ANKRD30B: variants seen among roughly 807,000 people sequenced by gnomAD.
ANKRD30B encodes the protein ankyrin repeat domain-containing protein 30B.
Under a neutral mutation model 202.2 loss-of-function variants are expected in ANKRD30B, and 144 were observed. The ratio of observed to expected loss-of-function variants is 0.71; its 90% CI spans 0.62 to 0.82. The LOEUF (loss-of-function observed/expected upper bound fraction) is 0.82, where lower values mean the gene tolerates loss of function less well. ANKRD30B is among the 40% of genes least tolerant of loss of function. The pLI is 0.00. For synonymous variants in ANKRD30B, 508 were observed against 561.3 expected (o/e 0.91, Z 1.34); for missense variants, 1,487 against 1,669.1 (o/e 0.89, Z 1.90).
At chr18:14,925,312 G>A in the ANKRD30B span, among the ~76,000 whole-genome samples, 1 of 152,148 alleles carries the variant, frequency 6.6e-6, no homozygotes, top group Non-Finnish European at 1.5e-5. Flanking sequence ...CTGCCATCTT[G>A]CCCCTGGCTG....
chr18:14,844,589 G>T (rs1275893328), intron 39 of ANKRD30B, among the ~76,000 whole-genome samples: 2 of 152,192 alleles, frequency 1.3e-5, no homozygotes, highest in African/African-American at 4.8e-5. Flanking sequence ...AATCCTTAGG[G>T]TATATATCCA....
the ANKRD30B span, among the ~76,000 whole-genome samples, chr18:14,909,570 C>T: frequency 6.6e-6 from 1 of 151,978 alleles, no homozygotes; most frequent in Admixed American, 6.6e-5. Flanking sequence ...ACCATTCTAG[C>T]TATTTTTTTG....
At chr18:14,790,460 C>T (rs1968408719) in intron 15 of ANKRD30B, among the ~76,000 whole-genome samples, 1 of 152,178 alleles carries the variant, frequency 6.6e-6, no homozygotes, top group South Asian at 2.1e-4. Flanking sequence ...GCATCCCTGT[C>T]TTATGCCAGT....
chr18:14,867,159 C>T, the ANKRD30B span, among the ~76,000 whole-genome samples: 3 of 149,914 alleles, frequency 2.0e-5, no homozygotes, highest in Non-Finnish European at 4.4e-5. Flanking sequence ...TTTGATGGGG[C>T]ACTATTTGGT....
At position 14,850,272 on chromosome 18, in the gene ANKRD30B, A is replaced by C. The variant is rs750267697; in HGVS notation, c.3454A>C (p.Ile1152Leu). 6.3e-7 allele frequency: 1 copy of C among 1,592,932 alleles called. No homozygotes were observed. Among genetic ancestry groups the C allele is most frequent in the African/African-American group, 1.4e-5 (1 of 73,646 alleles). The change falls in exon 41 of 44, where the codon ATT (isoleucine) becomes CTT (leucine). Residue 1152 changes from isoleucine to leucine, a missense_variant. Ile to Leu is a conservative substitution (Grantham distance 5). Transcript: ENST00000690538. ...AAATGTCGATATATTAAAAGAAAAA[A>C]TTAGACCCGAAGAGCAACTTAGGAA... Reference protein sequence around the residue: ...RRNVDILKEKIRPEEQLRKKL... With the variant: ...RRNVDILKEKLRPEEQLRKKL...
chr18:14,815,490 G>C (rs555336046), intron 30 of ANKRD30B, among the ~76,000 whole-genome samples: 1 of 152,208 alleles, frequency 6.6e-6, no homozygotes, highest in South Asian at 2.1e-4. Context: ...CCTTTCATGG[G>C]AAAAATGTGG....
At position 14,799,225 on chromosome 18, in the gene ANKRD30B, T is replaced by TTA. The variant is rs1969147797; in HGVS notation, c.2061_2062insTA (p.Thr688Ter). 15 of 1,574,772 alleles carry TTA rather than the reference T, an allele frequency of 9.5e-6. No homozygotes were observed. The highest frequency in any genetic ancestry group is 7.2e-5 in the Admixed American group (4 of 55,500). ...TTTGTGTTTCCAAACCCATTTAGCC[T>TTA]ACCTGTGGAAGGAAAGTTTCTCTTC... On this transcript the variant is annotated frameshift_variant, in exon 22 of 44. Coordinates refer to ENST00000690538, the MANE Select transcript of ANKRD30B (RefSeq NM_001367607.2). LOFTEE classifies it high-confidence loss of function.
intron 24 of ANKRD30B, among the ~76,000 whole-genome samples, chr18:14,805,441 A>G (rs1467432171): frequency 6.6e-6 from 1 of 150,926 alleles, no homozygotes; most frequent in African/African-American, 2.4e-5. Context: ...ATCAAGAAAT[A>G]TTGAGATGGC....
Position 14,831,410 on chromosome 18 carries a change from T to C in ANKRD30B, c.2802T>C (p.Asn934=). The part of the protein sequence containing the change: ...FSLFGKPTTE[N]SQSTKVEEDF... ...TTTTTGGCAAACCGACTACTGAAAA[T>C]TCACAGTCTACAAAAGTTGAGGAAG... Residue 934 remains asparagine, a synonymous_variant, in exon 34 of 44, where the codon AAT becomes AAC. Transcript: ENST00000690538. The C allele has an allele frequency of 1.3e-6, 2 of 1,532,798 alleles. No homozygotes were observed. The highest frequency in any genetic ancestry group is 1.8e-6 in the Non-Finnish European group (2 of 1,137,782). 94.9% of individuals were successfully genotyped at this position (1,532,798 alleles called of 1,614,324 possible). A position where few individuals can be genotyped will look rare whatever the true frequency, so the allele number is the denominator to read the frequency against.
chr18:14,789,805 A>T (rs1968343586), intron 15 of ANKRD30B, among the ~76,000 whole-genome samples: 1 of 152,144 alleles, frequency 6.6e-6, no homozygotes, highest in Admixed American at 6.5e-5. Context: ...CTTGTAGTAT[A>T]GTTTGAAGTC....
chr18:14,787,219 T>A (rs1223165141), intron 15 of ANKRD30B, 119 bp downstream of exon 15: 1 of 868,336 alleles, frequency 1.2e-6, no homozygotes, highest in African/African-American at 1.7e-5. Flanking sequence ...TATTTTTTGA[T>A]ATTTTTCAGA....
At position 14,848,832 on chromosome 18, in the gene ANKRD30B, T is replaced by G. The variant is rs761824038; in HGVS notation, c.3298T>G (p.Phe1100Val). 6.3e-7 allele frequency: 1 copy of G among 1,589,134 alleles called. No homozygotes were observed. The highest frequency in any genetic ancestry group is 8.6e-7 in the Non-Finnish European group (1 of 1,167,516). Residue 1100 changes from phenylalanine to valine, a missense_variant, in exon 40 of 44, where the codon TTT (phenylalanine) becomes GTT (valine). Coordinates refer to ENST00000690538, the MANE Select transcript of ANKRD30B (RefSeq NM_001367607.2). ...TAKMEQTKNKFCVLQKELSEA... is the reference protein window; with the variant it reads ...TAKMEQTKNKVCVLQKELSEA... ...AAAAATGGAACAAACGAAAAATAAGTTTTGTGTACTACAAAAGGAACTGTC... is the reference window on the plus strand; with the variant it reads ...AAAAATGGAACAAACGAAAAATAAGGTTTGTGTACTACAAAAGGAACTGTC...
At chr18:14,769,265 C>A in intron 7 of ANKRD30B, 78 bp from the exon 8 acceptor site, 1 of 1,128,514 alleles carries the variant, frequency 8.9e-7, no homozygotes, top group South Asian at 1.5e-5. Flanking sequence ...TGCCATCGTG[C>A]CCTCTTACGT....
the ANKRD30B span, among the ~76,000 whole-genome samples, chr18:14,897,096 T>C: frequency 6.6e-6 from 1 of 151,880 alleles, no homozygotes; most frequent in Non-Finnish European, 1.5e-5. Flanking sequence ...GTAGAAAAGA[T>C]GGAAACATGC....
At chr18:14,819,124 A>AT (rs2144101073) in intron 30 of ANKRD30B, among the ~76,000 whole-genome samples, 1 of 150,604 alleles carries the variant, frequency 6.6e-6, no homozygotes, top group African/African-American at 2.4e-5. Flanking sequence ...GATGATGAGC[A>AT]TTTTTTCATG....
At chr18:14,891,901 A>T in the ANKRD30B span, among the ~76,000 whole-genome samples, 1 of 152,252 alleles carries the variant, frequency 6.6e-6, no homozygotes, top group African/African-American at 2.4e-5. Flanking sequence ...AATGAAAAAT[A>T]CTGAATAAAT....
chr18:14,836,934 T>G (rs1971201256), intron 34 of ANKRD30B, among the ~76,000 whole-genome samples: 1 of 152,158 alleles, frequency 6.6e-6, no homozygotes, highest in Non-Finnish European at 1.5e-5. Context: ...CCTTATGTAT[T>G]TTATTGACTT....
At position 14,754,916 on chromosome 18, in the gene ANKRD30B, T is replaced by C; in HGVS notation, c.528T>C (p.Leu176=). 6.5e-7 allele frequency: 1 copy of C among 1,543,584 alleles called. No individual in the cohort carries two copies. The highest frequency in any genetic ancestry group is 2.1e-5 in the Admixed American group (1 of 46,754). The change falls in exon 4 of 44, where the codon CTT becomes CTC. Residue 176 remains leucine, a synonymous_variant. Coordinates refer to ENST00000690538, the MANE Select transcript of ANKRD30B (RefSeq NM_001367607.2). ...EVQNKASLTP[L]LLAIQKRSKQ... Reference sequence around the variant, plus strand: ...TTTTACAGGCTAGCCTCACACCCCTTTTACTGGCCATACAGAAAAGAAGCA... The same window carrying C: ...TTTTACAGGCTAGCCTCACACCCCTCTTACTGGCCATACAGAAAAGAAGCA...
intron 11 of ANKRD30B, among the ~76,000 whole-genome samples, chr18:14,780,460 T>G (rs1265125064): frequency 6.6e-6 from 1 of 150,874 alleles, no homozygotes; most frequent in Non-Finnish European, 1.5e-5. Flanking sequence ...AAAAAATACT[T>G]AAAAAAAATC....
Sources: allele counts gnomAD v4.1 joint callset (sites outside exome capture counted in the v4.1 genomes callset), GRCh38; gene constraint gnomAD v4.1.1; transcripts MANE v1.5; gene names NCBI Gene and HGNC (gene_info 2026-07-23, HGNC 2026-07-21).